DKK2: variants seen among roughly 807,000 people sequenced by gnomAD.
The protein encoded by DKK2 is dickkopf Wnt signaling pathway inhibitor 2, also known as dickkopf-related protein 2.
A neutral mutation model predicts 28.1 loss-of-function variants in DKK2; 11 were observed. The ratio of observed to expected loss-of-function variants is 0.39; its 90% CI spans 0.25 to 0.65. The LOEUF (loss-of-function observed/expected upper bound fraction) is 0.65, where lower values mean the gene tolerates loss of function less well. Ranked by LOEUF, DKK2 falls within the 30% of genes least tolerant of loss-of-function variation. The pLI, the probability that DKK2 is intolerant of heterozygous loss-of-function variation, is 0.47. For synonymous variants in DKK2, 135 were observed against 126.5 expected (o/e 1.07, Z -0.45); for missense variants, 326 against 335.5 (o/e 0.97, Z 0.22).
chr4:106,958,517 T>G (rs1056944953), intron 1 of DKK2, among the ~76,000 whole-genome samples: 7 of 151,952 alleles, frequency 4.6e-5, no homozygotes, highest in Non-Finnish European at 1.0e-4. Context: ...AGCAGTATTT[T>G]TGAAGGATAT....
rs1723963267 is a variant in DKK2, at chr4:107,036,154, A to G, written c.-563T>C. The G allele has an allele frequency of 6.5e-6, 1 of 153,130 alleles. No individual in the cohort carries two copies. Among genetic ancestry groups the G allele is most frequent in the Admixed American group, 6.5e-5 (1 of 15,376 alleles). The allele number at this position is 153,130 out of a possible 1,614,324, so 9.5% of individuals were successfully genotyped here. ...GACGTCCCCGGACCGAATCCTCGAG[A>G]TCTGAAGAGAATCGAGGTCCCCCAC... is the stretch of plus-strand genomic sequence containing the variant. On this transcript the variant is annotated 5_prime_UTR_variant, in exon 1 of 4. Transcript: ENST00000285311.
intron 3 of DKK2, 44 bp downstream of exon 3, chr4:106,924,501 A>T (rs769155630): frequency 1.3e-6 from 2 of 1,577,562 alleles, no homozygotes; most frequent in Non-Finnish European, 1.7e-6. Flanking sequence ...TTTTTCTTCT[A>T]TTTCTTTATT....
chr4:106,969,028 G>A (rs1180626164), intron 1 of DKK2, among the ~76,000 whole-genome samples: 3 of 151,954 alleles, frequency 2.0e-5, no homozygotes, highest in African/African-American at 4.8e-5. Context: ...AGAAATTTTA[G>A]CATTTGAGCA....
intron 1 of DKK2, among the ~76,000 whole-genome samples, chr4:106,939,352 T>C (rs1724654985): frequency 6.6e-6 from 1 of 152,162 alleles, no homozygotes; most frequent in African/African-American, 2.4e-5. Context: ...TGAACTCCCA[T>C]TCACAATTGC....
In DKK2 at chr4:106,989,432, T is replaced by C. The variant is rs527816416; in HGVS notation, c.222+45938A>G. On this transcript the variant is annotated intron_variant, in intron 1 of 3. Transcript: ENST00000285311. The stretch of plus-strand genomic sequence containing the variant: ...AAATTAGGGTATCTCAAAACATTTC[T>C]ATCATTTGAGGTTATTGAGAGGGTT... Among the ~76,000 whole-genome samples the C allele has an allele frequency of 2.6e-5, 4 of 152,352 alleles. No individual in the cohort carries two copies. In the South Asian group the frequency reaches 6.2e-4, roughly 24 times the overall value.
chr4:106,987,212 T>A (rs924741787), intron 1 of DKK2, among the ~76,000 whole-genome samples: 25 of 152,222 alleles, frequency 1.6e-4, no homozygotes, highest in Admixed American at 2.6e-4. Flanking sequence ...TGGCTGTGTA[T>A]AAAATATGAT....
intron 1 of DKK2, among the ~76,000 whole-genome samples, chr4:107,009,652 A>C (rs1723487343): frequency 6.6e-6 from 1 of 151,858 alleles, no homozygotes. Flanking sequence ...AATTTATGAA[A>C]TCATACTTCA....
intron 1 of DKK2, among the ~76,000 whole-genome samples, chr4:107,026,666 C>A (rs1221763301): frequency 6.6e-6 from 1 of 152,188 alleles, no homozygotes; most frequent in African/African-American, 2.4e-5. Context: ...TTTCAGCAAT[C>A]AGACTTGATT....
At chr4:106,979,154 T>C (rs1241101022) in intron 1 of DKK2, among the ~76,000 whole-genome samples, 1 of 152,026 alleles carries the variant, frequency 6.6e-6, no homozygotes, top group East Asian at 1.9e-4. Context: ...TCAGAGGAGA[T>C]GTGGTGTTGA....
intron 2 of DKK2, 130 bp downstream of exon 2, chr4:106,925,669 T>G (rs1724414398): frequency 8.2e-7 from 1 of 1,222,262 alleles, no homozygotes; most frequent in Non-Finnish European, 1.1e-6. Flanking sequence ...AATCTTACAC[T>G]ACCTAAACCA....
chr4:106,931,125 C>T (rs1486895139), intron 1 of DKK2, among the ~76,000 whole-genome samples: 3 of 152,084 alleles, frequency 2.0e-5, no homozygotes, highest in Non-Finnish European at 2.9e-5. Context: ...TGTGCAATCT[C>T]ATCTTTCACT....
intron 1 of DKK2, among the ~76,000 whole-genome samples, chr4:106,938,524 G>A (rs1248368191): frequency 3.3e-5 from 5 of 152,124 alleles, no homozygotes; most frequent in African/African-American, 7.2e-5. Context: ...ATTCACAGCC[G>A]AATTCTACCA....
intron 1 of DKK2, among the ~76,000 whole-genome samples, chr4:106,962,552 TGA>T (rs1553922063): frequency 3.2e-4 from 38 of 120,428 alleles, no homozygotes; most frequent in Non-Finnish European, 6.0e-4. Flanking sequence ...TGTGTGTGTG[TGA>T]ATGCAGAAGA....
At chr4:106,937,995 A>G (rs1409358971) in intron 1 of DKK2, among the ~76,000 whole-genome samples, 1 of 142,466 alleles carries the variant, frequency 7.0e-6, no homozygotes, top group African/African-American at 2.6e-5. Flanking sequence ...TTATAGCACT[A>G]AATGCCCACA....
rs550294530 is a variant in DKK2 at position 106,933,139 on chromosome 4, T to C, written c.223-7190A>G. ...CTGGATGGGGTCCAGGAATCTGTACTTTTAACAAATACTGTCCTGGTGATG... is the reference window on the plus strand; with the variant it reads ...CTGGATGGGGTCCAGGAATCTGTACCTTTAACAAATACTGTCCTGGTGATG... On this transcript the variant is annotated intron_variant, in intron 1 of 3. Coordinates refer to ENST00000285311, the MANE Select transcript of DKK2 (RefSeq NM_014421.3). Among the ~76,000 whole-genome samples the C allele has an allele frequency of 2.6e-5, 4 of 152,286 alleles. No individual in the cohort carries two copies. The South Asian group carries it at 6.2e-4, about 24-fold the overall frequency.
intron 1 of DKK2, among the ~76,000 whole-genome samples, chr4:107,007,825 G>T (rs536892115): frequency 6.6e-6 from 1 of 152,122 alleles, no homozygotes; most frequent in Admixed American, 6.6e-5. Flanking sequence ...TGTGGATAAA[G>T]TCATAAGTGT....
At chr4:106,926,175 G>T (rs1476263771) in intron 1 of DKK2, among the ~76,000 whole-genome samples, 1 of 152,036 alleles carries the variant, frequency 6.6e-6, no homozygotes, top group Non-Finnish European at 1.5e-5. Context: ...GACGCTGTTT[G>T]TATATTTTCA....
At chr4:107,002,946 A>G (rs576498137) in intron 1 of DKK2, among the ~76,000 whole-genome samples, 4 of 152,324 alleles carry the variant, frequency 2.6e-5, no homozygotes, top group South Asian at 2.1e-4. Flanking sequence ...AATCCTTAAT[A>G]TAGCATTAGG....
intron 3 of DKK2, 92 bp downstream of exon 3, chr4:106,924,453 G>A: frequency 6.9e-7 from 1 of 1,457,806 alleles, no homozygotes; most frequent in Non-Finnish European, 9.2e-7. Flanking sequence ...AAACTTCCTT[G>A]TAATTTTTTC....
Sources: allele counts gnomAD v4.1 joint callset (sites outside exome capture counted in the v4.1 genomes callset), GRCh38; gene constraint gnomAD v4.1.1; transcripts MANE v1.5; gene names NCBI Gene and HGNC (gene_info 2026-07-23, HGNC 2026-07-21).